The following SSU72 variants were observed in gnomAD, a reference collection of about 807,000 sequenced individuals.
The protein encoded by SSU72 is RNA polymerase II subunit A C-terminal domain phosphatase SSU72.
In SSU72, 12 loss-of-function variants were observed where a neutral mutation model predicts 22.7. The observed-to-expected ratio is 0.53, with a 90% CI of 0.34 to 0.86. SSU72 has a LOEUF of 0.86. Among genes scored for constraint, SSU72 ranks in the 40% least tolerant of loss-of-function variants. The probability of loss-of-function intolerance (pLI) is 0.02; values close to 1 mark genes in which losing one functional copy is unlikely to be tolerated. For missense variants in SSU72, 151 were observed against 249.8 expected, an observed-to-expected ratio of 0.60 and a Z score of 2.67; for synonymous variants, 116 against 98.3, an observed-to-expected ratio of 1.18 and a Z score of -1.06.
rs1044658966 is a variant in SSU72 at position 1,572,880 on chromosome 1, G to T, written c.80+1598C>A. Among the ~76,000 whole-genome samples, 5 of 124,874 alleles carry T rather than the reference G, an allele frequency of 4.0e-5. 1 individual carries two copies. The highest frequency in any genetic ancestry group is 6.3e-5 in the Non-Finnish European group (4 of 63,936). 81.9% of individuals were successfully genotyped at this position (124,874 alleles called of 152,430 possible). On this transcript the variant is annotated intron_variant, in intron 1 of 4. Transcript: ENST00000291386. ...CCAATTAACAATAATTTTGTCTTGGGGGGGGGGGGGTGAGCCTTGCATTGT... is the reference window on the plus strand; with the variant it reads ...CCAATTAACAATAATTTTGTCTTGGTGGGGGGGGGGTGAGCCTTGCATTGT...
At position 1,574,735 on chromosome 1, in the gene SSU72, C is replaced by G. The variant is rs1642790490; in HGVS notation, c.-178G>C. 2 of 454,388 alleles carry G rather than the reference C, an allele frequency of 4.4e-6. No homozygotes were observed. Among genetic ancestry groups the G allele is most frequent in the Non-Finnish European group, 7.0e-6 (2 of 285,506 alleles). 28.1% of individuals were successfully genotyped at this position (454,388 alleles called of 1,614,324 possible). On this transcript the variant is annotated 5_prime_UTR_variant, in exon 1 of 5. Coordinates refer to ENST00000291386, the MANE Select transcript of SSU72 (RefSeq NM_014188.3). ...TCCCCGCCCACCCTGGGCGCCGGGC[C>G]GCGGACGGAGCGCAGGCACTGGCCT... is the stretch of plus-strand genomic sequence containing the variant.
intron 2 of SSU72, chr1:1,563,387 G>A (rs1217047724): frequency 5.3e-5 from 8 of 151,856 alleles, no homozygotes; most frequent in Non-Finnish European, 1.2e-4. Context: ...ACAAAAATTA[G>A]CCAGGCATGA....
chr1:1,544,356 G>C (rs987464527), intron 3 of SSU72, among the ~76,000 whole-genome samples: 2 of 152,166 alleles, frequency 1.3e-5, no homozygotes, highest in African/African-American at 4.8e-5. Context: ...GGTGGCTCTC[G>C]CCTGTGATCC....
Position 1,554,290 on chromosome 1 carries a change from C to T in SSU72, c.225-9288G>A, listed in dbSNP as rs7531530. Among the ~76,000 whole-genome samples the T allele has an allele frequency of 0.4, 58,638 of 145,958 alleles. 14,611 individuals carry two copies. The highest frequency in any genetic ancestry group is 0.77 in the East Asian group (3,666 of 4,780). On this transcript the variant is annotated intron_variant, in intron 2 of 4. Coordinates refer to ENST00000291386, the MANE Select transcript of SSU72 (RefSeq NM_014188.3). This position sits in a 1 kb window ranked among gnomAD's most constrained non-coding sequence, Gnocchi z 4.1. The stretch of plus-strand genomic sequence containing the variant: ...GGCCCCCACGAAGCTGAGCACGAGA[C>T]GGATCCGGACCACTCGGGGGTCCCC...
Position 1,574,788 on chromosome 1 carries a change from G to A in SSU72, c.-231C>T, listed in dbSNP as rs1247502585. ...GGGCGCGCTGCACTCGGCGAGGCCG[G>A]GGGCGGCCAACGCCGCGCCGGCCCC... On this transcript the variant is annotated 5_prime_UTR_variant, in exon 1 of 5. Transcript: ENST00000291386. 1 of 233,930 alleles carries A rather than the reference G, an allele frequency of 4.3e-6. No individual in the cohort carries two copies. Among genetic ancestry groups the A allele is most frequent in the Non-Finnish European group, 8.3e-6 (1 of 120,532 alleles). 14.5% of individuals were successfully genotyped at this position (233,930 alleles called of 1,614,324 possible). A position where few individuals can be genotyped will look rare whatever the true frequency, so the allele number is the denominator to read the frequency against.
intron 2 of SSU72, among the ~76,000 whole-genome samples, chr1:1,553,350 T>C (rs1642477007): frequency 6.6e-6 from 1 of 152,142 alleles, no homozygotes; most frequent in Non-Finnish European, 1.5e-5. Flanking sequence ...AATAATACAG[T>C]AGTTGTTTTG....
chr1:1,550,980 C>A (rs922979876), intron 2 of SSU72, among the ~76,000 whole-genome samples: 2 of 152,082 alleles, frequency 1.3e-5, no homozygotes, highest in African/African-American at 4.8e-5. Flanking sequence ...CATCCACCCC[C>A]CAGAAAGCTC....
At chr1:1,574,324 C>T (rs534395823) in intron 1 of SSU72, among the ~76,000 whole-genome samples, 154 bp downstream of exon 1, 4 of 152,292 alleles carry the variant, frequency 2.6e-5, no homozygotes, top group Admixed American at 1.3e-4. Context: ...ACTACGCGCG[C>T]TGCCGTCCAG....
At chr1:1,555,421 T>C (rs1388392498) in intron 2 of SSU72, among the ~76,000 whole-genome samples, 6 of 152,080 alleles carry the variant, frequency 3.9e-5, no homozygotes, top group African/African-American at 1.4e-4. Flanking sequence ...GCCTGGGCAG[T>C]GGCACCTCGG....
chr1:1,550,736 C>T (rs2100708783), intron 2 of SSU72, among the ~76,000 whole-genome samples: 1 of 152,310 alleles, frequency 6.6e-6, no homozygotes, highest in African/African-American at 2.4e-5. Flanking sequence ...CAAAGCACCA[C>T]ACCAGGGAGG....
chr1:1,552,957 G>C (rs904714849), intron 2 of SSU72, among the ~76,000 whole-genome samples: 1 of 150,240 alleles, frequency 6.7e-6, no homozygotes, highest in Non-Finnish European at 1.5e-5. Context: ...CGAGGCGGAG[G>C]TTGCAGTGAG....
At chr1:1,568,144 C>T (rs1269327009) in intron 1 of SSU72, among the ~76,000 whole-genome samples, 1 of 152,160 alleles carries the variant, frequency 6.6e-6, no homozygotes, top group African/African-American at 2.4e-5. Context: ...CTGATGCAAC[C>T]GACAGGGCAG....
At position 1,571,652 on chromosome 1, in the gene SSU72, C is replaced by T. The variant is rs1405761559; in HGVS notation, c.80+2826G>A. Among the ~76,000 whole-genome samples, 3 of 152,260 alleles carry T rather than the reference C, an allele frequency of 2.0e-5. No homozygotes were observed. The South Asian group carries it at 6.2e-4, about 32-fold the overall frequency. On this transcript the variant is annotated intron_variant, in intron 1 of 4. Transcript: ENST00000291386. ...TGCTCTCCGCTCCTTTTCCAGAGACCACAGCTCTGCCAGCAACGGCCACTG... is the reference window on the plus strand; with the variant it reads ...TGCTCTCCGCTCCTTTTCCAGAGACTACAGCTCTGCCAGCAACGGCCACTG...
At position 1,541,920 on chromosome 1, in the gene SSU72, G is replaced by A; in HGVS notation, c.*146C>T. On this transcript the variant is annotated 3_prime_UTR_variant, in exon 5 of 5. Transcript: ENST00000291386. Reference sequence around the variant, plus strand: ...TTGATTGCTTTCATCTGGCGTTTTGGCATCTCCTCTCCCATTTCATATGCA... The same window carrying A: ...TTGATTGCTTTCATCTGGCGTTTTGACATCTCCTCTCCCATTTCATATGCA... The A allele has an allele frequency of 1.5e-6, 1 of 674,368 alleles. No individual in the cohort carries two copies. 41.8% of individuals were successfully genotyped at this position (674,368 alleles called of 1,614,324 possible).
chr1:1,572,888 G>T (rs796528151), intron 1 of SSU72, among the ~76,000 whole-genome samples: 12 of 142,994 alleles, frequency 8.4e-5, no homozygotes, highest in African/African-American at 2.0e-4. Flanking sequence ...GGGGGGGGGG[G>T]GGTGAGCCTT....
In SSU72 at chr1:1,556,867, G is replaced by A. The variant is rs1642527679; in HGVS notation, c.224+7906C>T. The stretch of plus-strand genomic sequence containing the variant: ...AGACGAAGGCACAGTCAGCACAGCT[G>A]CATTCTGTCCAGACCCTCAAATGAC... On this transcript the variant is annotated intron_variant, in intron 2 of 4. Coordinates refer to ENST00000291386, the MANE Select transcript of SSU72 (RefSeq NM_014188.3). Among the ~76,000 whole-genome samples the A allele has an allele frequency of 2.0e-5, 3 of 152,198 alleles. No individual in the cohort carries two copies. The South Asian group carries it at 6.2e-4, about 32-fold the overall frequency.
intron 1 of SSU72, among the ~76,000 whole-genome samples, chr1:1,568,428 C>G (rs11578409): frequency 0.26 from 39,793 of 151,494 alleles, 5,539 homozygotes; most frequent in East Asian, 0.48. Flanking sequence ...CCCGTCTCTA[C>G]TTTAAAAAAA....
intron 2 of SSU72, chr1:1,545,245 AAG>A: frequency 2.1e-6 from 1 of 480,530 alleles, no homozygotes; most frequent in Non-Finnish European, 3.7e-6. Context: ...ACTCGGCAAA[AAG>A]ACCCAAGGCC....
chr1:1,564,646 C>T lies in SSU72; in HGVS notation c.224+127G>A, dbSNP rs76853798. ...GTGCACCAGGAATAGAAACCAAGCT[C>T]TCGCAAAGACAGAGGAGCCAGTGTG... On this transcript the variant is annotated intron_variant, in intron 2 of 4. Coordinates refer to ENST00000291386, the MANE Select transcript of SSU72 (RefSeq NM_014188.3). The T allele has an allele frequency of 1.6e-3, 2,511 of 1,613,992 alleles. 39 individuals carry two copies. The African/African-American group carries it at 0.03, about 19-fold the overall frequency.
Sources: gnomAD v4.1 joint callset for allele counts (sites outside exome capture counted in the v4.1 genomes callset) on GRCh38, gnomAD v4.1.1 for gene constraint, Gnocchi (gnomAD v3.1) non-coding constraint, MANE v1.5 for transcripts, NCBI Gene and HGNC (gene_info 2026-07-23, HGNC 2026-07-21) for gene names.